TENM2: variants seen among roughly 807,000 people sequenced by gnomAD.
The protein encoded by TENM2 is teneurin-2.
TENM2 carries 52 observed loss-of-function variants against 245.2 expected under a neutral mutation model. The observed-to-expected ratio is 0.21, with a 90% CI of 0.17 to 0.27. TENM2 has a LOEUF of 0.27. Ranked by LOEUF, TENM2 falls within the 10% of genes least tolerant of loss-of-function variation. The pLI is 1.00. For synonymous variants in TENM2, 1,363 were observed against 1,438.9 expected (o/e 0.95, Z 1.19); for missense variants, 3,046 against 3,666.8 (o/e 0.83, Z 4.37).
intron 2 of TENM2, among the ~76,000 whole-genome samples, chr5:167,657,173 C>A (rs1489240172): frequency 1.3e-5 from 2 of 152,138 alleles, no homozygotes; most frequent in East Asian, 1.9e-4. Context: ...TCTATGAGAT[C>A]ATGTTTTTGT....
rs374975989 is a variant in TENM2, at chr5:167,889,939, G to A, written c.712+13744G>A. 7.9e-5 allele frequency among the ~76,000 whole-genome samples: 12 copies of A among 152,168 alleles called. No homozygotes were observed. The East Asian group carries it at 2.1e-3, about 27-fold the overall frequency. On this transcript the variant is annotated intron_variant, in intron 3 of 28. Transcript: ENST00000518659. ...CTAGGCAGACTTGGCCTTTTCTGCC[G>A]CTCTTTATTGATCTCAAATTGCTGA... is the stretch of plus-strand genomic sequence containing the variant.
At chr5:167,912,620 G>A (rs1052460825) in intron 3 of TENM2, among the ~76,000 whole-genome samples, 53 of 152,278 alleles carry the variant, frequency 3.5e-4, no homozygotes, top group Admixed American at 1.6e-3. Flanking sequence ...CTGAAGGGAA[G>A]GGCACAAGTC....
At chr5:167,825,630 G>C (rs1767907487) in intron 2 of TENM2, among the ~76,000 whole-genome samples, 1 of 152,276 alleles carries the variant, frequency 6.6e-6, no homozygotes. Context: ...TCCCAGGACA[G>C]ACTTGCGATC....
At chr5:167,598,708 T>C (rs1388831671) in intron 2 of TENM2, among the ~76,000 whole-genome samples, 1 of 152,146 alleles carries the variant, frequency 6.6e-6, no homozygotes, top group African/African-American at 2.4e-5. Context: ...TTGGAGTCAC[T>C]AGTATTTTAA....
At chr5:167,614,677 A>T (rs1176662027) in intron 2 of TENM2, among the ~76,000 whole-genome samples, 1 of 152,146 alleles carries the variant, frequency 6.6e-6, no homozygotes, top group Non-Finnish European at 1.5e-5. Flanking sequence ...TTCTGGTTGC[A>T]TGAGGAAGAG....
At chr5:167,709,804 CGAGAGT>C (rs1263194013) in intron 2 of TENM2, among the ~76,000 whole-genome samples, 4 of 151,662 alleles carry the variant, frequency 2.6e-5, no homozygotes, top group Admixed American at 6.6e-5. Flanking sequence ...AAACCAAAAG[CGAGAGT>C]GAGAGTGAGA....
At chr5:167,784,230 C>T (rs1583002414) in intron 2 of TENM2, among the ~76,000 whole-genome samples, 1 of 152,232 alleles carries the variant, frequency 6.6e-6, no homozygotes, top group African/African-American at 2.4e-5. Flanking sequence ...ATCTCTGCAG[C>T]TTCAGTTTTC....
At chr5:167,258,198 C>CATAT in the TENM2 span, among the ~76,000 whole-genome samples, 257 of 141,866 alleles carry the variant, frequency 1.8e-3, 1 homozygote, top group African/African-American at 5.5e-3. Context: ...AATGTGTTGC[C>CATAT]ATATATATAT....
chr5:167,233,132 AGC>A, the TENM2 span, among the ~76,000 whole-genome samples: 1 of 152,256 alleles, frequency 6.6e-6, no homozygotes, highest in South Asian at 2.1e-4. Flanking sequence ...CATTACTATG[AGC>A]TCTGGGGTTG....
chr5:167,554,259 C>A (rs1455671974), intron 2 of TENM2, among the ~76,000 whole-genome samples: 1 of 152,158 alleles, frequency 6.6e-6, no homozygotes, highest in Non-Finnish European at 1.5e-5. Flanking sequence ...GGTTACCATG[C>A]CTTGGTGCAA....
chr5:167,474,699 A>G (rs1452595972), intron 2 of TENM2, among the ~76,000 whole-genome samples: 1 of 151,974 alleles, frequency 6.6e-6, no homozygotes. Flanking sequence ...ATTTTTTAGT[A>G]GAGACAGGGT....
intron 2 of TENM2, among the ~76,000 whole-genome samples, chr5:167,461,555 G>A (rs963826941): frequency 6.6e-6 from 1 of 152,146 alleles, no homozygotes; most frequent in Non-Finnish European, 1.5e-5. Context: ...GATATTTAAT[G>A]TTTATAAGAG....
At position 167,488,468 on chromosome 5, in the gene TENM2, A is replaced by T. The variant is rs574510089; in HGVS notation, c.502+112995A>T. ...TGGACCTATAAGCAGCATTTGACCC[A>T]GCCAATCACTCCCTCCTTCTTGAAA... is the stretch of plus-strand genomic sequence containing the variant. On this transcript the variant is annotated intron_variant, in intron 2 of 28. Coordinates refer to ENST00000518659, the Ensembl canonical transcript of TENM2. 2.6e-5 allele frequency among the ~76,000 whole-genome samples: 4 copies of T among 152,246 alleles called. No homozygotes were observed. In the South Asian group the frequency reaches 8.3e-4, roughly 32 times the overall value.
chr5:167,334,783 A>C (rs934613742), intron 1 of TENM2, among the ~76,000 whole-genome samples: 2 of 152,200 alleles, frequency 1.3e-5, no homozygotes, highest in African/African-American at 2.4e-5. Flanking sequence ...AAGGATACCA[A>C]ATTGAAGCTC....
chr5:166,996,601 G>T, the TENM2 span, among the ~76,000 whole-genome samples: 2 of 152,170 alleles, frequency 1.3e-5, no homozygotes, highest in African/African-American at 4.8e-5. Flanking sequence ...CTAATGTGTG[G>T]TTTGCAGAGG....
chr5:167,638,402 C>T (rs1179961485), intron 2 of TENM2, among the ~76,000 whole-genome samples: 5 of 152,160 alleles, frequency 3.3e-5, no homozygotes, highest in Non-Finnish European at 2.9e-5. Flanking sequence ...AAAAATTAGA[C>T]TGAGATCAAA....
chr5:167,084,326 GTTATATATATATATATAT>G, the TENM2 span, among the ~76,000 whole-genome samples: 1 of 6,748 alleles, frequency 1.5e-4, no homozygotes, highest in African/African-American at 3.1e-4. Flanking sequence ...AGCCATTTTA[GTTATATATATATATATAT>G]ATATATATAT....
Position 167,732,244 on chromosome 5 carries a change from A to G in TENM2, c.503-143742A>G, listed in dbSNP as rs543868309. On this transcript the variant is annotated intron_variant, in intron 2 of 28. Coordinates refer to ENST00000518659, the Ensembl canonical transcript of TENM2. ...AGTACTCCCAGAAGCAGGCTGTAGA[A>G]AAATCACTAGGCCATTACTGTGTTT... Among the ~76,000 whole-genome samples the G allele has an allele frequency of 6.6e-5, 10 of 152,294 alleles. No homozygotes were observed. The East Asian group carries it at 1.9e-3, about 29-fold the overall frequency.
At chr5:167,391,804 T>A (rs1004480434) in intron 2 of TENM2, among the ~76,000 whole-genome samples, 3 of 152,054 alleles carry the variant, frequency 2.0e-5, no homozygotes, top group African/African-American at 7.2e-5. Context: ...GTGTAATTAT[T>A]AAGACTGGAA....
Sources: allele counts gnomAD v4.1 joint callset (sites outside exome capture counted in the v4.1 genomes callset), GRCh38; gene constraint gnomAD v4.1.1; transcripts MANE v1.5; gene names NCBI Gene and HGNC (gene_info 2026-07-23, HGNC 2026-07-21).